Variants in SGCZ observed in about 807,000 individuals in gnomAD.
The protein encoded by SGCZ is zeta-sarcoglycan.
Under a neutral mutation model 41.3 loss-of-function variants are expected in SGCZ, and 40 were observed. That is an observed-to-expected ratio of 0.97 (90% CI 0.75 to 1.26). SGCZ has a LOEUF of 1.26. SGCZ is among the 50% of genes most tolerant of loss of function. The pLI, the probability that SGCZ is intolerant of heterozygous loss-of-function variation, is 0.00. For synonymous variants in SGCZ, 206 were observed against 137.5 expected, an observed-to-expected ratio of 1.50 and a Z score of -3.49; for missense variants, 552 against 369.8, an observed-to-expected ratio of 1.49 and a Z score of -4.04.
At chr8:14,832,255 C>G (rs1802558324) in intron 1 of SGCZ, among the ~76,000 whole-genome samples, 1 of 152,102 alleles carries the variant, frequency 6.6e-6, no homozygotes, top group Admixed American at 6.6e-5. Flanking sequence ...ATATGGATAA[C>G]TATCAATAAA....
At chr8:14,936,817 A>AT in intron 1 of SGCZ, among the ~76,000 whole-genome samples, 1 of 151,936 alleles carries the variant, frequency 6.6e-6, no homozygotes, top group Non-Finnish European at 1.5e-5. Context: ...GATTCAAAAA[A>AT]CAAATCAAGA....
At position 14,173,054 on chromosome 8, in the gene SGCZ, T is replaced by A. The variant is rs553467066; in HGVS notation, c.425-8352A>T. ...GCCCCTGAGTGCCACAGTTTAGAAC[T>A]AAAACTATTTAGACTGTAAAATAAT... is the stretch of plus-strand genomic sequence containing the variant. On this transcript the variant is annotated intron_variant, in intron 4 of 7. Transcript: ENST00000382080. 2.6e-5 allele frequency among the ~76,000 whole-genome samples: 4 copies of A among 152,210 alleles called. No homozygotes were observed. In the East Asian group the frequency reaches 7.7e-4, roughly 29 times the overall value.
At chr8:14,444,482 A>T (rs1250884860) in intron 2 of SGCZ, among the ~76,000 whole-genome samples, 1 of 152,200 alleles carries the variant, frequency 6.6e-6, no homozygotes, top group East Asian at 1.9e-4. Context: ...CTATGCAGCC[A>T]TAAAAAATGA....
At chr8:14,773,944 T>C (rs987483413) in intron 1 of SGCZ, among the ~76,000 whole-genome samples, 4 of 152,218 alleles carry the variant, frequency 2.6e-5, no homozygotes, top group African/African-American at 4.8e-5. Context: ...TATCTGGTCA[T>C]AGAATAGCCA....
intron 1 of SGCZ, among the ~76,000 whole-genome samples, chr8:15,021,410 C>T (rs1803244082): frequency 6.6e-6 from 1 of 152,160 alleles, no homozygotes; most frequent in Non-Finnish European, 1.5e-5. Flanking sequence ...TGTTCTAGGG[C>T]CTCACTTACG....
intron 1 of SGCZ, among the ~76,000 whole-genome samples, chr8:14,982,512 T>C (rs1057146507): frequency 2.0e-5 from 3 of 152,194 alleles, no homozygotes; most frequent in African/African-American, 7.2e-5. Context: ...TGTAAACAGC[T>C]TTGACTCCTC....
intron 1 of SGCZ, among the ~76,000 whole-genome samples, chr8:14,830,280 A>C (rs1437049871): frequency 1.3e-5 from 2 of 151,514 alleles, no homozygotes; most frequent in Admixed American, 1.3e-4. Flanking sequence ...GGTTTGCCTT[A>C]GTTAACATTT....
At chr8:14,728,878 G>A (rs963240548) in intron 1 of SGCZ, among the ~76,000 whole-genome samples, 1 of 152,174 alleles carries the variant, frequency 6.6e-6, no homozygotes, top group African/African-American at 2.4e-5. Context: ...CAACTTGAGT[G>A]ATGATCAGTT....
intron 2 of SGCZ, among the ~76,000 whole-genome samples, chr8:14,467,443 G>A (rs1801083806): frequency 1.3e-5 from 2 of 151,944 alleles, no homozygotes; most frequent in African/African-American, 4.8e-5. Context: ...TCTTATATTT[G>A]GAGGACAGAA....
intron 2 of SGCZ, among the ~76,000 whole-genome samples, chr8:14,425,722 G>C (rs574771253): frequency 6.6e-6 from 1 of 151,758 alleles, no homozygotes; most frequent in Admixed American, 6.6e-5. Flanking sequence ...ATACAATTTT[G>C]CTATGTTTCT....
intron 5 of SGCZ, among the ~76,000 whole-genome samples, chr8:14,133,434 G>A (rs903425188): frequency 1.3e-5 from 2 of 152,146 alleles, no homozygotes; most frequent in Non-Finnish European, 2.9e-5. Context: ...AGATGAAACA[G>A]AGAAGAGCAT....
chr8:14,615,912 C>T (rs935763186), intron 1 of SGCZ, among the ~76,000 whole-genome samples: 20 of 152,126 alleles, frequency 1.3e-4, no homozygotes, highest in African/African-American at 3.9e-4. Context: ...CCACTTTACT[C>T]TATTACACTT....
At chr8:14,788,355 T>G (rs1188735544) in intron 1 of SGCZ, among the ~76,000 whole-genome samples, 1 of 152,156 alleles carries the variant, frequency 6.6e-6, no homozygotes, top group Non-Finnish European at 1.5e-5. Context: ...TTTCTCTAAG[T>G]GTTGGCTTCC....
At chr8:14,755,439 T>G (rs1355060700) in intron 1 of SGCZ, among the ~76,000 whole-genome samples, 3 of 151,092 alleles carry the variant, frequency 2.0e-5, no homozygotes, top group Non-Finnish European at 4.4e-5. Flanking sequence ...TGGTTTTTCA[T>G]AAAACGCGGG....
At chr8:14,604,181 T>G (rs1267401399) in intron 1 of SGCZ, among the ~76,000 whole-genome samples, 2 of 152,146 alleles carry the variant, frequency 1.3e-5, no homozygotes, top group African/African-American at 4.8e-5. Context: ...TGCCACTTCC[T>G]GTATAAGCAA....
At chr8:15,110,693 G>T (rs1356076196) in intron 1 of SGCZ, among the ~76,000 whole-genome samples, 1 of 152,226 alleles carries the variant, frequency 6.6e-6, no homozygotes, top group Admixed American at 6.5e-5. Context: ...AAGAGGCCAG[G>T]CGTGGTGGCT....
chr8:14,720,447 T>C (rs1809845793), intron 1 of SGCZ, among the ~76,000 whole-genome samples: 1 of 152,122 alleles, frequency 6.6e-6, no homozygotes, highest in Non-Finnish European at 1.5e-5. Flanking sequence ...AATATAGTAG[T>C]ATTGCCAATA....
At position 14,440,586 on chromosome 8, in the gene SGCZ, G is replaced by A. The variant is rs554857350; in HGVS notation, c.234+114146C>T. On this transcript the variant is annotated intron_variant, in intron 2 of 7. Coordinates refer to ENST00000382080, the MANE Select transcript of SGCZ (RefSeq NM_139167.4). Reference sequence around the variant, plus strand: ...ATCTCTATTTTCATAAGTCACCTATGTGTAATTGTTAAAATTGTTAAATAA... The same window carrying A: ...ATCTCTATTTTCATAAGTCACCTATATGTAATTGTTAAAATTGTTAAATAA... Among the ~76,000 whole-genome samples, 4 of 152,046 alleles carry A rather than the reference G, an allele frequency of 2.6e-5. No homozygotes were observed. The East Asian group carries it at 7.7e-4, about 29-fold the overall frequency.
chr8:14,175,849 T>C (rs1038207158), intron 4 of SGCZ, among the ~76,000 whole-genome samples: 1 of 152,014 alleles, frequency 6.6e-6, no homozygotes, highest in African/African-American at 2.4e-5. Flanking sequence ...GACTAAAACA[T>C]AAAATTCAAA....
Sources: gnomAD v4.1 joint callset for allele counts (sites outside exome capture counted in the v4.1 genomes callset) on GRCh38, gnomAD v4.1.1 for gene constraint, MANE v1.5 for transcripts, NCBI Gene and HGNC (gene_info 2026-07-23, HGNC 2026-07-21) for gene names.